The following CDH23 variants were observed in gnomAD, a reference collection of about 807,000 sequenced individuals.
CDH23 encodes the protein cadherin related 23, also known as cadherin-23.
In CDH23, 189 loss-of-function variants were observed where a neutral mutation model predicts 317.1. That is an observed-to-expected ratio of 0.60 (90% CI 0.53 to 0.67). The LOEUF (loss-of-function observed/expected upper bound fraction) is 0.67, where lower values mean the gene tolerates loss of function less well. Ranked by LOEUF, CDH23 falls within the 30% of genes least tolerant of loss-of-function variation. CDH23 has a pLI of 0.00. For synonymous variants in CDH23, 1,839 were observed against 1,876.8 expected, an observed-to-expected ratio of 0.98 and a Z score of 0.52; for missense variants, 4,401 against 4,592.4, an observed-to-expected ratio of 0.96 and a Z score of 1.20.
rs150557313 is a variant in CDH23 at position 71,783,387 on chromosome 10, T to C, written c.5369-900T>C. 1.5e-3 allele frequency among the ~76,000 whole-genome samples: 221 copies of C among 152,354 alleles called. 2 individuals carry two copies. Among genetic ancestry groups the C allele is most frequent in the African/African-American group, 4.6e-3 (192 of 41,576 alleles). ...CTGTCTGGAAAGAACACAAGTCCTG[T>C]GCGAGGCAATGGGTTAAGACCCAGA... On this transcript the variant is annotated intron_variant, in intron 41 of 69. Coordinates refer to ENST00000224721, the MANE Select transcript of CDH23 (RefSeq NM_022124.6).
intron 6 of CDH23, among the ~76,000 whole-genome samples, chr10:71,532,727 GTTTTTTTTT>G (rs200038577): frequency 5.2e-4 from 49 of 93,962 alleles, no homozygotes; most frequent in African/African-American, 1.7e-3. Context: ...TTTTTTTTTT[GTTTTTTTTT>G]TTTTTTTTTT....
chr10:71,440,107 C>G (rs1341708643), intron 2 of CDH23, among the ~76,000 whole-genome samples: 1 of 152,188 alleles, frequency 6.6e-6, no homozygotes, highest in East Asian at 1.9e-4. Context: ...GTCCCCAAAG[C>G]CTGGGACACA....
At chr10:71,469,062 C>T (rs1180908866) in intron 3 of CDH23, among the ~76,000 whole-genome samples, 1 of 152,226 alleles carries the variant, frequency 6.6e-6, no homozygotes, top group Non-Finnish European at 1.5e-5. Context: ...CTCCTGGACC[C>T]TGTATCTCCC....
intron 3 of CDH23, among the ~76,000 whole-genome samples, chr10:71,499,925 G>T (rs1469207651): frequency 6.6e-6 from 1 of 150,650 alleles, no homozygotes; most frequent in African/African-American, 2.4e-5. Flanking sequence ...GCTGAGGCAG[G>T]AGAATCGCTT....
Position 71,475,318 on chromosome 10 carries a change from C to T in CDH23, c.145+28923C>T, listed in dbSNP as rs542769300. Among the ~76,000 whole-genome samples, 29 of 152,190 alleles carry T rather than the reference C, an allele frequency of 1.9e-4. 1 individual carries two copies. Among genetic ancestry groups the T allele is most frequent in the East Asian group, 5.8e-4 (3 of 5,174 alleles). On this transcript the variant is annotated intron_variant, in intron 3 of 69. Transcript: ENST00000224721. The stretch of plus-strand genomic sequence containing the variant: ...AGTGTGAGCATCACAGTGGGGAGGG[C>T]GGGGTAGGAAGAGAGAAAGCACTTG...
chr10:71,420,209 T>C (rs1341206832), intron 1 of CDH23, among the ~76,000 whole-genome samples: 1 of 152,134 alleles, frequency 6.6e-6, no homozygotes, highest in Non-Finnish European at 1.5e-5. Context: ...TATCTTTTTT[T>C]TTCACTTTTA....
At chr10:71,763,081 T>A (rs1390127064) in intron 38 of CDH23, among the ~76,000 whole-genome samples, 2 of 152,256 alleles carry the variant, frequency 1.3e-5, no homozygotes, top group African/African-American at 4.8e-5. Flanking sequence ...AAGGACTAGA[T>A]GAGGGAAAGA....
intron 3 of CDH23, among the ~76,000 whole-genome samples, chr10:71,494,911 G>A (rs1478048811): frequency 1.3e-5 from 2 of 152,284 alleles, no homozygotes; most frequent in African/African-American, 4.8e-5. Context: ...CTGAAAGCAG[G>A]TGAGCCCCAT....
intron 20 of CDH23, among the ~76,000 whole-genome samples, chr10:71,691,960 A>G (rs1389242449): frequency 6.6e-6 from 1 of 152,174 alleles, no homozygotes; most frequent in Non-Finnish European, 1.5e-5. Context: ...TCTCTGAGAA[A>G]GTGAGGGCCC....
In CDH23 at chr10:71,791,121, C is replaced by T. The variant is rs776376497; in HGVS notation, c.6050-11C>T. 3 of 1,596,802 alleles carry T rather than the reference C, an allele frequency of 1.9e-6. No homozygotes were observed. Among genetic ancestry groups the T allele is most frequent in the Non-Finnish European group, 1.7e-6 (2 of 1,171,944 alleles). On this transcript the variant is annotated splice_polypyrimidine_tract_variant and intron_variant, in intron 46 of 69. Transcript: ENST00000224721. The stretch of plus-strand genomic sequence containing the variant: ...CTGTGTGTTTCCCTGGCTGGCGGCA[C>T]CGGGTGCCAGGTGTGGTGACCGTGA...
chr10:71,544,368 C>T (rs1340012489), intron 6 of CDH23, among the ~76,000 whole-genome samples: 1 of 152,096 alleles, frequency 6.6e-6, no homozygotes, highest in Non-Finnish European at 1.5e-5. Flanking sequence ...GAAATCAGGC[C>T]TAATCAGCTC....
At chr10:71,672,064 G>A (rs745394626) in intron 14 of CDH23, among the ~76,000 whole-genome samples, 5 of 152,058 alleles carry the variant, frequency 3.3e-5, no homozygotes, top group Admixed American at 6.5e-5. Flanking sequence ...GGAGACGCAC[G>A]TTAACCTTAG....
rs191486607 is a variant in CDH23, at chr10:71,583,275, C to T, written c.832+5283C>T. Among the ~76,000 whole-genome samples the T allele has an allele frequency of 3.8e-3, 569 of 151,490 alleles. 1 individual carries two copies. The highest frequency in any genetic ancestry group is 6.8e-3 in the Middle Eastern group (2 of 294). The stretch of plus-strand genomic sequence containing the variant: ...GGGGGCGGGGGTCCGGTGCTGAGGC[C>T]GCAGAGGGAGGCAGGGCGGGCCATG... On this transcript the variant is annotated intron_variant, in intron 9 of 69. Coordinates refer to ENST00000224721, the MANE Select transcript of CDH23 (RefSeq NM_022124.6).
At chr10:71,808,428 A>C in intron 60 of CDH23, among the ~76,000 whole-genome samples, 1 of 147,028 alleles carries the variant, frequency 6.8e-6, no homozygotes, top group Non-Finnish European at 1.5e-5. Flanking sequence ...CCATCTTCCC[A>C]CTCTCCCTCC....
chr10:71,526,702 G>C (rs144037385), intron 6 of CDH23, among the ~76,000 whole-genome samples: 1 of 152,192 alleles, frequency 6.6e-6, no homozygotes, highest in East Asian at 1.9e-4. Flanking sequence ...GGGAAACGCT[G>C]AACAGCAATA....
chr10:71,499,666 C>T (rs1035319864), intron 3 of CDH23, among the ~76,000 whole-genome samples: 2 of 151,876 alleles, frequency 1.3e-5, no homozygotes, highest in East Asian at 3.9e-4. Flanking sequence ...ATGGAGAAAC[C>T]TCGTCTCTAC....
chr10:71,710,602 C>T (rs111519976), intron 27 of CDH23, among the ~76,000 whole-genome samples: 6 of 152,190 alleles, frequency 3.9e-5, no homozygotes, highest in African/African-American at 1.4e-4. Context: ...AGGGAGGGTC[C>T]ACAGGGGGAC....
intron 6 of CDH23, among the ~76,000 whole-genome samples, chr10:71,551,287 C>A (rs1589195933): frequency 6.6e-6 from 1 of 152,210 alleles, no homozygotes; most frequent in Non-Finnish European, 1.5e-5. Flanking sequence ...GCTTAATGAA[C>A]GTCATTTGCA....
At chr10:71,778,777 A>G (rs1346954901) in intron 40 of CDH23, among the ~76,000 whole-genome samples, 3 of 152,120 alleles carry the variant, frequency 2.0e-5, no homozygotes, top group African/African-American at 7.2e-5. Flanking sequence ...TTTTTTTGAG[A>G]CAAGTTTTCA....
Sources: allele counts gnomAD v4.1 joint callset (sites outside exome capture counted in the v4.1 genomes callset), GRCh38; gene constraint gnomAD v4.1.1; transcripts MANE v1.5; gene names NCBI Gene and HGNC (gene_info 2026-07-23, HGNC 2026-07-21).